Variants in NRG2 observed in about 807,000 individuals in gnomAD.
The protein encoded by NRG2 is pro-neuregulin-2, membrane-bound isoform.
Under a neutral mutation model 73.9 loss-of-function variants are expected in NRG2, and 27 were observed. The observed-to-expected ratio is 0.37, with a 90% confidence interval of 0.27 to 0.50. The LOEUF (loss-of-function observed/expected upper bound fraction) is 0.50. Ranked by LOEUF, NRG2 falls within the 20% of genes least tolerant of loss-of-function variation. NRG2 has a pLI of 0.96. For synonymous variants in NRG2, 532 were observed against 541.0 expected (o/e 0.98, Z 0.23); for missense variants, 1,126 against 1,210.1 (o/e 0.93, Z 1.03).
rs976231093 is a variant in NRG2 at position 139,887,149 on chromosome 5, T to C, written c.872+191A>G. Among the ~76,000 whole-genome samples, 1 of 152,222 alleles carries C rather than the reference T, an allele frequency of 6.6e-6. No homozygotes were observed. Among genetic ancestry groups the C allele is most frequent in the African/African-American group, 2.4e-5 (1 of 41,450 alleles). On this transcript the variant is annotated intron_variant, in intron 2 of 9. Transcript: ENST00000361474. The surrounding 1 kb of genome is among the most constrained non-coding windows in gnomAD (Gnocchi z 4.5). ...TGGTCTGCAAGACCCTGGGCCACCA[T>C]GACCAGAGGGTCCCCGAGCTGCAGG... is the stretch of plus-strand genomic sequence containing the variant.
At chr5:139,989,803 T>G (rs1358963228) in intron 1 of NRG2, among the ~76,000 whole-genome samples, 1 of 150,916 alleles carries the variant, frequency 6.6e-6, no homozygotes, top group African/African-American at 2.4e-5. Flanking sequence ...TTTTTATTTT[T>G]TTTTGAGACA....
At chr5:139,979,554 G>A (rs264345) in intron 1 of NRG2, among the ~76,000 whole-genome samples, 52,121 of 152,088 alleles carry the variant, frequency 0.34, 9,781 homozygotes, top group African/African-American at 0.5. Context: ...CACATAGAAT[G>A]TGGGGAATGA....
chr5:140,007,740 G>C (rs942918714), intron 1 of NRG2, among the ~76,000 whole-genome samples: 1 of 152,204 alleles, frequency 6.6e-6, no homozygotes, highest in Non-Finnish European at 1.5e-5. Flanking sequence ...AGGGTCACTT[G>C]CTTGGACTTA....
chr5:139,939,243 CCT>C (rs1753187606), intron 1 of NRG2, among the ~76,000 whole-genome samples: 1 of 69,228 alleles, frequency 1.4e-5, no homozygotes, highest in African/African-American at 5.2e-5. Context: ...TTCCTTCCTT[CCT>C]TTCTTTCTTT....
intron 1 of NRG2, among the ~76,000 whole-genome samples, chr5:139,931,851 C>T (rs1327172791): frequency 2.0e-5 from 3 of 152,108 alleles, no homozygotes; most frequent in Admixed American, 2.0e-4. Flanking sequence ...ATTTAATGAA[C>T]TACCAGGGAA....
chr5:139,979,497 T>C (rs575578882), intron 1 of NRG2, among the ~76,000 whole-genome samples: 1 of 152,350 alleles, frequency 6.6e-6, no homozygotes, highest in South Asian at 2.1e-4. Flanking sequence ...CGTTCTTGTG[T>C]AATCTTCTCC....
At chr5:139,990,032 C>T (rs1387716746) in intron 1 of NRG2, among the ~76,000 whole-genome samples, 7 of 151,404 alleles carry the variant, frequency 4.6e-5, no homozygotes, top group East Asian at 1.9e-4. Context: ...TTGTGATCCG[C>T]CCACCTCGGC....
chr5:139,890,629 C>A (rs1764160244), intron 1 of NRG2, among the ~76,000 whole-genome samples: 1 of 152,084 alleles, frequency 6.6e-6, no homozygotes, highest in Admixed American at 6.5e-5. Flanking sequence ...GCTCTGGAGT[C>A]CCCAGTCATT....
intron 1 of NRG2, among the ~76,000 whole-genome samples, chr5:140,037,719 C>T (rs1022921240): frequency 2.3e-4 from 35 of 151,686 alleles, no homozygotes; most frequent in African/African-American, 8.5e-4. Flanking sequence ...GCCAGCCAGG[C>T]CAAGATGGTG....
At chr5:139,886,265 C>A (rs553696506) in intron 2 of NRG2, among the ~76,000 whole-genome samples, 1 of 152,340 alleles carries the variant, frequency 6.6e-6, no homozygotes, top group South Asian at 2.1e-4. Context: ...AGTCCCCTGA[C>A]TCCTTTAACC....
At chr5:140,031,488 T>G (rs1198274795) in intron 1 of NRG2, among the ~76,000 whole-genome samples, 1 of 152,184 alleles carries the variant, frequency 6.6e-6, no homozygotes, top group Admixed American at 6.5e-5. Context: ...AAAAAAATTT[T>G]TATTTTCACT....
chr5:140,013,549 C>A (rs1450524490), intron 1 of NRG2, among the ~76,000 whole-genome samples: 1 of 152,182 alleles, frequency 6.6e-6, no homozygotes, highest in Non-Finnish European at 1.5e-5. Context: ...TATTTTACCA[C>A]AGTAAAAAAT....
chr5:140,009,604 T>C (rs569486430), intron 1 of NRG2, among the ~76,000 whole-genome samples: 90 of 152,354 alleles, frequency 5.9e-4, no homozygotes, highest in African/African-American at 2.1e-3. Context: ...CTGTACCATT[T>C]TGCATTCCCA....
At chr5:139,929,711 G>T (rs368099526) in intron 1 of NRG2, among the ~76,000 whole-genome samples, 5 of 152,296 alleles carry the variant, frequency 3.3e-5, no homozygotes, top group Admixed American at 6.5e-5. Flanking sequence ...CCACAGGATT[G>T]CTTCCCCCCT....
chr5:139,993,827 T>C (rs528042723), intron 1 of NRG2, among the ~76,000 whole-genome samples: 41 of 152,338 alleles, frequency 2.7e-4, no homozygotes, highest in African/African-American at 9.4e-4. Context: ...ATGATTTTAT[T>C]TTTGTTAAAA....
Position 139,870,690 on chromosome 5 carries a change from G to C in NRG2, c.1112+1031C>G, listed in dbSNP as rs1762783150. Among the ~76,000 whole-genome samples the C allele has an allele frequency of 6.6e-6, 1 of 152,180 alleles. No individual in the cohort carries two copies. On this transcript the variant is annotated intron_variant, in intron 4 of 9. Coordinates refer to ENST00000361474, the MANE Select transcript of NRG2 (RefSeq NM_004883.3). This position sits in a 1 kb window ranked among gnomAD's most constrained non-coding sequence, Gnocchi z 4.4. ...CAGGGCTCTAGGCTTGGGCTGCTTT[G>C]AAACACTGAAGTTATTAACTAGGCC...
chr5:139,927,372 G>A (rs778556640), intron 1 of NRG2, among the ~76,000 whole-genome samples: 49 of 151,956 alleles, frequency 3.2e-4, no homozygotes, highest in Non-Finnish European at 4.1e-4. Flanking sequence ...CCTCATTGCA[G>A]TGAGCTCCAG....
At chr5:140,020,099 C>T (rs1274284997) in intron 1 of NRG2, among the ~76,000 whole-genome samples, 1 of 152,138 alleles carries the variant, frequency 6.6e-6, no homozygotes, top group East Asian at 1.9e-4. Context: ...ATACTCTGAA[C>T]GTACAGCAAG....
rs768037656 is a variant in NRG2, at chr5:139,887,392, C to T, written c.820G>A (p.Gly274Ser). The T allele has an allele frequency of 1.2e-6, 2 of 1,614,220 alleles. No homozygotes were observed. Among genetic ancestry groups the T allele is most frequent in the Non-Finnish European group, 1.7e-6 (2 of 1,180,042 alleles). ...TCTCGGCTGCGGTTGAGCTCCTTGC[C>T]ATCCTTGAACCAACGGTAGGAAGGC... ...PQPSYRWFKD[G>S]KELNRSRDIR... The change falls in exon 2 of 10, where the codon GGC becomes AGC. Residue 274 changes from glycine to serine, a missense_variant. This residue lies in a region of NRG2 where 539 missense variants were observed against 703.2 expected (regional missense o/e 0.77). Transcript: ENST00000361474. The surrounding 1 kb of genome is among the most constrained non-coding windows in gnomAD (Gnocchi z 4.5).
Sources: gnomAD v4.1 joint callset for allele counts (sites outside exome capture counted in the v4.1 genomes callset) on GRCh38, gnomAD v4.1.1 for gene constraint, gnomAD v4.1.1 regional missense constraint, Gnocchi (gnomAD v3.1) non-coding constraint, MANE v1.5 for transcripts, NCBI Gene and HGNC (gene_info 2026-07-23, HGNC 2026-07-21) for gene names.